RAD51C: variants seen among roughly 807,000 people sequenced by gnomAD.
RAD51C encodes RAD51 paralog C.
RAD51C carries 42 observed loss-of-function variants against 45.0 expected under a neutral mutation model. The ratio of observed to expected loss-of-function variants is 0.93; its 90% confidence interval spans 0.73 to 1.21. RAD51C has a LOEUF of 1.21. Among genes scored for constraint, RAD51C ranks in the 50% most tolerant of loss-of-function variants. The probability of loss-of-function intolerance (pLI) is 0.00; values close to 1 mark genes in which losing one functional copy is unlikely to be tolerated. For missense variants in RAD51C, 474 were observed against 452.2 expected, an observed-to-expected ratio of 1.05 and a Z score of -0.44; for synonymous variants, 172 against 159.8, an observed-to-expected ratio of 1.08 and a Z score of -0.58.
chr17:58,729,163 A>G (rs946259441), intron 7 of RAD51C, among the ~76,000 whole-genome samples: 9 of 152,230 alleles, frequency 5.9e-5, no homozygotes, highest in Non-Finnish European at 1.0e-4. Context: ...CTGAAGAGAC[A>G]TGATGCATAA....
chr17:58,699,823 A>T (rs1253110085), intron 3 of RAD51C: 1 of 152,120 alleles, frequency 6.6e-6, no homozygotes, highest in African/African-American at 2.4e-5. Flanking sequence ...CTTCTCTAAA[A>T]ATTTACTGTA....
chr17:58,712,967 T>A (rs750100337), intron 5 of RAD51C, among the ~76,000 whole-genome samples: 20 of 152,126 alleles, frequency 1.3e-4, no homozygotes, highest in Admixed American at 3.3e-4. Flanking sequence ...TACAAATTTT[T>A]AAAAAAATCT....
chr17:58,721,736 G>A (rs1009520670), intron 6 of RAD51C, among the ~76,000 whole-genome samples: 10 of 151,366 alleles, frequency 6.6e-5, no homozygotes, highest in Non-Finnish European at 1.5e-4. Flanking sequence ...TCCAGCCTGG[G>A]CAACAAGAGT....
chr17:58,715,706 A>C (rs1009951633), intron 5 of RAD51C, among the ~76,000 whole-genome samples: 1 of 152,116 alleles, frequency 6.6e-6, no homozygotes, highest in Non-Finnish European at 1.5e-5. Flanking sequence ...CATTTTATGG[A>C]TATATCACAT....
intron 4 of RAD51C, among the ~76,000 whole-genome samples, chr17:58,708,558 A>G (rs1426295200): frequency 2.0e-5 from 3 of 151,996 alleles, no homozygotes; most frequent in Non-Finnish European, 4.4e-5. Context: ...GTTTAATCCA[A>G]CCCTTACTAG....
At chr17:58,693,766 T>C (rs1297757410) in intron 1 of RAD51C, 2 of 152,100 alleles carry the variant, frequency 1.3e-5, no homozygotes, top group African/African-American at 4.8e-5. Flanking sequence ...ACGAAAAAAA[T>C]CTGAGCAAAA....
chr17:58,727,349 C>T (rs892623932), intron 7 of RAD51C, among the ~76,000 whole-genome samples: 1 of 151,488 alleles, frequency 6.6e-6, no homozygotes, highest in African/African-American at 2.4e-5. Context: ...GTCTTGAACT[C>T]CTGATGTCAG....
At chr17:58,705,352 G>A (rs2048343930) in intron 4 of RAD51C, among the ~76,000 whole-genome samples, 1 of 150,892 alleles carries the variant, frequency 6.6e-6, no homozygotes, top group African/African-American at 2.4e-5. Context: ...TTTGGGGGGG[G>A]GGTGGAGTTT....
intron 7 of RAD51C, among the ~76,000 whole-genome samples, chr17:58,729,116 A>G (rs141046090): frequency 1.3e-5 from 2 of 152,346 alleles, no homozygotes; most frequent in African/African-American, 4.8e-5. Context: ...CCATGAGCCA[A>G]GTGATTCTTT....
chr17:58,702,737 C>T (rs954393697), intron 3 of RAD51C, among the ~76,000 whole-genome samples: 3 of 151,084 alleles, frequency 2.0e-5, no homozygotes, highest in African/African-American at 4.9e-5. Flanking sequence ...GTGGTTTATG[C>T]CTGTAATCCC....
chr17:58,708,705 G>GA (rs2048453454), intron 4 of RAD51C, among the ~76,000 whole-genome samples: 1 of 151,626 alleles, frequency 6.6e-6, no homozygotes, highest in Non-Finnish European at 1.5e-5. Context: ...TTGCTTTGGG[G>GA]GGGGCTTTCT....
At chr17:58,733,670 C>CA (rs35743234) in intron 8 of RAD51C, among the ~76,000 whole-genome samples, 1 of 152,158 alleles carries the variant, frequency 6.6e-6, no homozygotes, top group Non-Finnish European at 1.5e-5. Context: ...GGCACGTATC[C>CA]ATGAGGTTTA....
rs777004225 is a variant in RAD51C, at chr17:58,692,681, A to G, written c.38A>G (p.Asp13Gly). 6.2e-7 allele frequency: 1 copy of G among 1,614,148 alleles called. No individual in the cohort carries two copies. The highest frequency in any genetic ancestry group is 8.5e-7 in the Non-Finnish European group (1 of 1,180,022). The change falls in exon 1 of 9, where the codon GAT becomes GGT. Residue 13 changes from aspartate to glycine, a missense_variant. Transcript: ENST00000337432. ...GKTFRFEMQR[D>G]LVSFPLSPAV... ...ACGTTCCGCTTTGAAATGCAGCGGG[A>G]TTTGGTGAGTTTCCCGCTGTCTCCA...
In RAD51C at chr17:58,703,225, C is replaced by A; in HGVS notation, c.601C>A (p.Leu201Ile). The A allele has an allele frequency of 6.2e-7, 1 of 1,610,452 alleles. No individual in the cohort carries two copies. Among genetic ancestry groups the A allele is most frequent in the South Asian group, 1.1e-5 (1 of 90,994 alleles). The part of the protein sequence containing the change: ...EHRKALEDFT[L>I]DNILSHIYYF... ...CCGAAAAGCTTTGGAGGATTTCACT[C>A]TTGATAATATTCTTTCTCATATTTA... is the stretch of plus-strand genomic sequence containing the variant. The change falls in exon 4 of 9, where the codon CTT becomes ATT. Residue 201 changes from leucine to isoleucine, a missense_variant. Transcript: ENST00000337432.
chr17:58,715,797 T>A (rs1160058657), intron 5 of RAD51C, among the ~76,000 whole-genome samples: 2 of 152,176 alleles, frequency 1.3e-5, no homozygotes, highest in East Asian at 3.9e-4. Context: ...TTTCAAGTGA[T>A]TGTTACTTTA....
intron 4 of RAD51C, among the ~76,000 whole-genome samples, chr17:58,709,455 T>G (rs1414622944): frequency 6.6e-6 from 1 of 152,162 alleles, no homozygotes; most frequent in Non-Finnish European, 1.5e-5. Context: ...CAGAAAGCAC[T>G]GGCTGAACAG....
At position 58,734,262 on chromosome 17, in the gene RAD51C, T is replaced by C. The variant is rs181365564; in HGVS notation, c.*40T>C. Reference sequence around the variant, plus strand: ...TCAAAGTGTACAAATTTATTGATGTTGTGAAATCAATGTGTACAAGTGGAC... The same window carrying C: ...TCAAAGTGTACAAATTTATTGATGTCGTGAAATCAATGTGTACAAGTGGAC... On this transcript the variant is annotated 3_prime_UTR_variant, in exon 9 of 9. Transcript: ENST00000337432. The C allele has an allele frequency of 9.4e-5, 149 of 1,587,484 alleles. No individual in the cohort carries two copies. In the African/African-American group the frequency reaches 1.9e-3, roughly 20 times the overall value.
chr17:58,719,031 C>T (rs553972174), intron 5 of RAD51C, among the ~76,000 whole-genome samples: 9 of 152,032 alleles, frequency 5.9e-5, no homozygotes, highest in African/African-American at 1.9e-4. Context: ...GAGACCAGGC[C>T]GGCCAACATG....
rs2049576836 is a variant in RAD51C at position 58,734,565 on chromosome 17, G to A, written c.*343G>A. On this transcript the variant is annotated 3_prime_UTR_variant, in exon 9 of 9. Transcript: ENST00000337432. ...CCAGTTGCCTATAAAATCTTAGGAA[G>A]AAACATATCATATTCTTATTGTGTT... The A allele has an allele frequency of 1.6e-5, 4 of 252,012 alleles. No homozygotes were observed. The highest frequency in any genetic ancestry group is 3.0e-5 in the Non-Finnish European group (4 of 132,444). 15.6% of individuals were successfully genotyped at this position (252,012 alleles called of 1,614,324 possible). A position where few individuals can be genotyped will look rare whatever the true frequency, so the allele number is the denominator to read the frequency against.
Sources: allele counts gnomAD v4.1 joint callset (sites outside exome capture counted in the v4.1 genomes callset), GRCh38; gene constraint gnomAD v4.1.1; transcripts MANE v1.5; gene names NCBI Gene and HGNC (gene_info 2026-07-23, HGNC 2026-07-21).